GSTA3: variants seen among roughly 807,000 people sequenced by gnomAD.
GSTA3 encodes glutathione S-transferase alpha 3, also known as glutathione S-transferase A3.
A neutral mutation model predicts 23.1 loss-of-function variants in GSTA3; 16 were observed. That is an observed-to-expected ratio of 0.69 (90% CI 0.47 to 1.05). The LOEUF is 1.05. GSTA3 is among the 50% of genes least tolerant of loss of function. The probability of loss-of-function intolerance (pLI) is 0.00; values close to 1 mark genes in which losing one functional copy is unlikely to be tolerated. For synonymous variants in GSTA3, 122 were observed against 91.0 expected (o/e 1.34, Z -1.94); for missense variants, 319 against 263.6 (o/e 1.21, Z -1.46).
At chr6:52,899,911 A>G in intron 5 of GSTA3, 23 bp downstream of exon 5, 1 of 1,613,204 alleles carries the variant, frequency 6.2e-7, no homozygotes, top group Non-Finnish European at 8.5e-7. Flanking sequence ...CAGTGCCCCA[A>G]AATGCTGAAC....
chr6:52,901,308 C>T (rs1333762846), intron 4 of GSTA3, among the ~76,000 whole-genome samples: 1 of 152,190 alleles, frequency 6.6e-6, no homozygotes, highest in Admixed American at 6.5e-5. Flanking sequence ...TAGCTTCAGG[C>T]AACCACTAGT....
intron 4 of GSTA3, 67 bp downstream of exon 4, chr6:52,902,279 C>T: frequency 1.3e-6 from 2 of 1,594,750 alleles, no homozygotes; most frequent in Non-Finnish European, 8.6e-7. Flanking sequence ...ATGGTCTCAC[C>T]CACTCAAGGA....
Position 52,896,909 on chromosome 6 carries a change from C to G in GSTA3, c.566G>C (p.Ser189Thr). Reference sequence around the variant, plus strand: ...AAACTTCTTCACCGTGGGCAGGTTGCTGATTCTGGTTTTCAGGGCCTGTAA... The same window carrying G: ...AAACTTCTTCACCGTGGGCAGGTTGGTGATTCTGGTTTTCAGGGCCTGTAA... ...PLLKALKTRI[S>T]NLPTVKKFLQ... The change falls in exon 7 of 7, where the codon AGC (serine) becomes ACC (threonine). Residue 189 changes from serine to threonine, a missense_variant. By Grantham distance (58) the Ser-to-Thr change is moderately conservative. Transcript: ENST00000211122. 1 of 1,613,992 alleles carries G rather than the reference C, an allele frequency of 6.2e-7. No individual in the cohort carries two copies. The highest frequency in any genetic ancestry group is 8.5e-7 in the Non-Finnish European group (1 of 1,179,912).
chr6:52,897,835 G>A lies in GSTA3; in HGVS notation c.536C>T (p.Pro179Leu). The A allele has an allele frequency of 6.2e-7, 1 of 1,613,684 alleles. No individual in the cohort carries two copies. The change falls in exon 6 of 7, where the codon CCT becomes CTT. Residue 179 changes from proline (P) to leucine (L), a missense_variant. Physicochemically the swap from Pro to Leu is moderately conservative, Grantham distance 98 (BLOSUM62 -3). Coordinates refer to ENST00000211122, the MANE Select transcript of GSTA3 (RefSeq NM_000847.5). ...TGTGAAATGGGTCACCTTCAGCAGA[G>A]GGAAGTTGGAGATAAGGCTGGAGTC... The part of the protein sequence containing the change: ...ELDSSLISNF[P>L]LLKALKTRIS...
chr6:52,899,528 TCTC>T (rs1233397670), intron 5 of GSTA3, among the ~76,000 whole-genome samples: 1 of 152,198 alleles, frequency 6.6e-6, no homozygotes, highest in African/African-American at 2.4e-5. Context: ...GGGAAATTGG[TCTC>T]CTGTCTTCCT....
chr6:52,897,452 C>T (rs761896096), intron 6 of GSTA3, among the ~76,000 whole-genome samples: 50 of 152,088 alleles, frequency 3.3e-4, no homozygotes, highest in Admixed American at 2.8e-3. Flanking sequence ...AAGGAAGGAA[C>T]CAGATGGAAA....
At chr6:52,904,676 T>A (rs1237066998) in intron 2 of GSTA3, among the ~76,000 whole-genome samples, 8 of 152,162 alleles carry the variant, frequency 5.3e-5, no homozygotes, top group African/African-American at 1.9e-4. Context: ...TTACTTACTC[T>A]GGAGGAAAAC....
chr6:52,906,645 T>C (rs1055853868), intron 1 of GSTA3, among the ~76,000 whole-genome samples: 11 of 152,010 alleles, frequency 7.2e-5, no homozygotes, highest in Middle Eastern at 3.4e-3. Flanking sequence ...ACAGAGCCCT[T>C]AGAAATAACG....
chr6:52,902,731 T>A (rs1765734902), intron 3 of GSTA3, among the ~76,000 whole-genome samples: 1 of 152,206 alleles, frequency 6.6e-6, no homozygotes, highest in Non-Finnish European at 1.5e-5. Flanking sequence ...GTCCCTTGTA[T>A]TTTACTTGCG....
intron 2 of GSTA3, among the ~76,000 whole-genome samples, chr6:52,905,490 G>C (rs918347858): frequency 6.6e-6 from 1 of 151,816 alleles, no homozygotes; most frequent in African/African-American, 2.4e-5. Flanking sequence ...TGCAAATAAG[G>C]TCCACTCATT....
chr6:52,902,422 C>T lies in GSTA3; in HGVS notation c.196G>A (p.Val66Ile). Residue 66 changes from valine (V) to isoleucine (I), a missense_variant, in exon 4 of 7, where the codon GTA becomes ATA. Transcript: ENST00000211122. ...PMVEIDGMKL[V>I]QTRAILNYIA... Reference sequence around the variant, plus strand: ...TAGTTGAGAATGGCTCTGGTCTGTACCAACTTCATCCCATCAATCTCAACC... The same window carrying T: ...TAGTTGAGAATGGCTCTGGTCTGTATCAACTTCATCCCATCAATCTCAACC... 6.2e-7 allele frequency: 1 copy of T among 1,613,900 alleles called. No individual in the cohort carries two copies. The highest frequency in any genetic ancestry group is 8.5e-7 in the Non-Finnish European group (1 of 1,179,868).
At chr6:52,902,151 C>CA (rs1765707426) in intron 4 of GSTA3, among the ~76,000 whole-genome samples, 195 bp downstream of exon 4, 1 of 152,186 alleles carries the variant, frequency 6.6e-6, no homozygotes, top group Non-Finnish European at 1.5e-5. Context: ...CTTCTAGAAT[C>CA]ACACTCACCT....
intron 1 of GSTA3, among the ~76,000 whole-genome samples, 185 bp downstream of exon 1, chr6:52,909,456 G>T (rs1052504596): frequency 6.6e-6 from 1 of 152,048 alleles, no homozygotes; most frequent in Non-Finnish European, 1.5e-5. Flanking sequence ...CTAAATTGTT[G>T]AATATTATTT....
chr6:52,897,095 G>C (rs1765473949), intron 6 of GSTA3, among the ~76,000 whole-genome samples, 167 bp from the exon 7 acceptor site: 1 of 152,190 alleles, frequency 6.6e-6, no homozygotes, highest in Non-Finnish European at 1.5e-5. Flanking sequence ...ATAAGAGGAA[G>C]AACATGTAGC....
intron 2 of GSTA3, 50 bp from the exon 3 acceptor site, chr6:52,903,777 T>TC: frequency 9.1e-7 from 1 of 1,102,834 alleles, no homozygotes; most frequent in Non-Finnish European, 1.4e-6. Context: ...TCCATAGCAT[T>TC]ACAGACTTGT....
At chr6:52,900,115 C>T (rs373517871) in intron 4 of GSTA3, 40 bp from the exon 5 acceptor site, 3 of 1,564,218 alleles carry the variant, frequency 1.9e-6, no homozygotes, top group Non-Finnish European at 2.6e-6. Context: ...ATGCCTCTTG[C>T]CTTAGATTTT....
chr6:52,904,599 C>T (rs1016221113), intron 2 of GSTA3, among the ~76,000 whole-genome samples: 16 of 152,264 alleles, frequency 1.1e-4, no homozygotes, highest in Admixed American at 5.2e-4. Flanking sequence ...TTTCACAGGA[C>T]GCCACCTCAC....
At chr6:52,904,570 G>A (rs1765826429) in intron 2 of GSTA3, among the ~76,000 whole-genome samples, 1 of 152,160 alleles carries the variant, frequency 6.6e-6, no homozygotes, top group Non-Finnish European at 1.5e-5. Flanking sequence ...TGAGGCTGAA[G>A]GGGCGCGCTA....
chr6:52,908,273 G>A (rs960583806), intron 1 of GSTA3, among the ~76,000 whole-genome samples: 1 of 151,436 alleles, frequency 6.6e-6, no homozygotes, highest in African/African-American at 2.4e-5. Context: ...TATAATCCCA[G>A]CACTTCGGAA....
Sources: gnomAD v4.1 joint callset for allele counts (sites outside exome capture counted in the v4.1 genomes callset) on GRCh38, gnomAD v4.1.1 for gene constraint, MANE v1.5 for transcripts, NCBI Gene and HGNC (gene_info 2026-07-23, HGNC 2026-07-21) for gene names.